Variants in NR2F1-AS1 observed in about 807,000 individuals in gnomAD.
The protein encoded by NR2F1-AS1 is NR2F1 antisense RNA 1.
chr5:93,549,131 T>C (rs564336931), intron 4 of NR2F1-AS1, among the ~76,000 whole-genome samples: 8 of 152,252 alleles, frequency 5.3e-5, no homozygotes, highest in Admixed American at 2.0e-4. Context: ...TGTTAGGGGA[T>C]TGAAAATTAA....
At chr5:93,478,389 T>G (rs1284227363) in intron 4 of NR2F1-AS1, among the ~76,000 whole-genome samples, 1 of 152,106 alleles carries the variant, frequency 6.6e-6, no homozygotes, top group African/African-American at 2.4e-5. Flanking sequence ...GCAGGTTTTT[T>G]GTTGTTTTTT....
At chr5:93,456,488 G>A (rs772214176) in intron 4 of NR2F1-AS1, among the ~76,000 whole-genome samples, 3 of 152,080 alleles carry the variant, frequency 2.0e-5, no homozygotes, top group Admixed American at 1.3e-4. Context: ...TGGATCAGAA[G>A]ATCCCATACT....
At chr5:93,442,219 G>C (rs1749586228) in intron 4 of NR2F1-AS1, among the ~76,000 whole-genome samples, 1 of 152,314 alleles carries the variant, frequency 6.6e-6, no homozygotes, top group South Asian at 2.1e-4. Context: ...AGCCCACAGA[G>C]TGTGAGCTGA....
At chr5:93,523,499 C>T (rs924516759) in intron 4 of NR2F1-AS1, among the ~76,000 whole-genome samples, 7 of 152,186 alleles carry the variant, frequency 4.6e-5, no homozygotes, top group Non-Finnish European at 1.0e-4. Flanking sequence ...TTGAGCTCTG[C>T]TAAGAAACAC....
chr5:93,505,345 T>G (rs1444944986), intron 4 of NR2F1-AS1, among the ~76,000 whole-genome samples: 1 of 152,120 alleles, frequency 6.6e-6, no homozygotes, highest in Middle Eastern at 3.2e-3. Flanking sequence ...TCCAGGTGCA[T>G]GGTGAAAGCT....
intron 4 of NR2F1-AS1, among the ~76,000 whole-genome samples, chr5:93,524,621 C>T (rs1751573001): frequency 6.6e-6 from 1 of 152,146 alleles, no homozygotes; most frequent in Non-Finnish European, 1.5e-5. Context: ...GGTCGGGTCA[C>T]CTATAAAGGG....
At chr5:93,532,211 T>G (rs1029531842) in intron 4 of NR2F1-AS1, among the ~76,000 whole-genome samples, 19 of 152,312 alleles carry the variant, frequency 1.2e-4, no homozygotes, top group African/African-American at 4.3e-4. Flanking sequence ...TTAACATACT[T>G]ACTGTTTTAT....
chr5:93,531,201 T>C (rs887611947), intron 4 of NR2F1-AS1, among the ~76,000 whole-genome samples: 16 of 152,200 alleles, frequency 1.1e-4, no homozygotes, highest in African/African-American at 3.9e-4. Context: ...TGGCAAATGA[T>C]TGCCCAAACT....
intron 2 of NR2F1-AS1, among the ~76,000 whole-genome samples, chr5:93,562,847 T>A (rs1752525343): frequency 6.6e-6 from 1 of 152,184 alleles, no homozygotes; most frequent in African/African-American, 2.4e-5. Context: ...GTGTTGAATA[T>A]CTATACTTCG....
At chr5:93,581,721 T>C (rs77128855), upstream of NR2F1-AS1, among the ~76,000 whole-genome samples, 10 of 58,672 alleles carry the variant, frequency 1.7e-4, no homozygotes, top group African/African-American at 5.9e-4. Flanking sequence ...TCTCTCTCTC[T>C]CTCTCTCTCT....
At chr5:93,576,309 C>A (rs1752893282) in intron 1 of NR2F1-AS1, among the ~76,000 whole-genome samples, 1 of 152,066 alleles carries the variant, frequency 6.6e-6, no homozygotes, top group Admixed American at 6.6e-5. Flanking sequence ...TAACTCCCCC[C>A]AAAGATGGGC....
At chr5:93,541,418 A>G (rs1214503492) in intron 4 of NR2F1-AS1, among the ~76,000 whole-genome samples, 1 of 152,198 alleles carries the variant, frequency 6.6e-6, no homozygotes, top group African/African-American at 2.4e-5. Context: ...ATGGAAATCA[A>G]TAACCCTAAT....
intron 4 of NR2F1-AS1, among the ~76,000 whole-genome samples, chr5:93,482,314 G>T (rs1750617203): frequency 6.6e-6 from 1 of 152,114 alleles, no homozygotes; most frequent in Non-Finnish European, 1.5e-5. Context: ...GCCGAAGCAG[G>T]TGGGGCATCA....
chr5:93,417,300 T>C (rs889054152), intron 4 of NR2F1-AS1, among the ~76,000 whole-genome samples: 2 of 152,242 alleles, frequency 1.3e-5, no homozygotes, highest in Non-Finnish European at 2.9e-5. Flanking sequence ...ATGGGTTTTA[T>C]TGTATATGGA....
chr5:93,459,345 T>C (rs907331149), intron 4 of NR2F1-AS1, among the ~76,000 whole-genome samples: 28 of 152,114 alleles, frequency 1.8e-4, no homozygotes, highest in Non-Finnish European at 3.2e-4. Context: ...CATTATTCAT[T>C]AGAAAAATGC....
intron 4 of NR2F1-AS1, among the ~76,000 whole-genome samples, chr5:93,431,893 A>C (rs1157803332): frequency 6.6e-6 from 1 of 152,184 alleles, no homozygotes; most frequent in African/African-American, 2.4e-5. Flanking sequence ...AATGCTCATC[A>C]TAACTGTCAG....
At chr5:93,439,884 G>T (rs1749523899) in intron 4 of NR2F1-AS1, among the ~76,000 whole-genome samples, 1 of 152,090 alleles carries the variant, frequency 6.6e-6, no homozygotes, top group African/African-American at 2.4e-5. Context: ...TCAGCATTTA[G>T]TACACAGTAT....
chr5:93,466,907 G>A (rs1022597429), intron 4 of NR2F1-AS1, among the ~76,000 whole-genome samples: 12 of 133,996 alleles, frequency 9.0e-5, no homozygotes, highest in African/African-American at 3.5e-4. Flanking sequence ...CCTTTTTTGG[G>A]GGGGGGGGGG....
At chr5:93,479,219 G>GA (rs992704792) in intron 4 of NR2F1-AS1, among the ~76,000 whole-genome samples, 10 of 151,304 alleles carry the variant, frequency 6.6e-5, no homozygotes, top group African/African-American at 1.9e-4. Flanking sequence ...ACCTTCTCTT[G>GA]AAAAAAAAAT....
Sources: gnomAD v4.1 joint callset for allele counts (sites outside exome capture counted in the v4.1 genomes callset) on GRCh38, gnomAD v4.1.1 for gene constraint, MANE v1.5 for transcripts, NCBI Gene and HGNC (gene_info 2026-07-23, HGNC 2026-07-21) for gene names.